The following PPFIA4 variants were observed in gnomAD, a reference collection of about 807,000 sequenced individuals.
PPFIA4 encodes liprin-alpha-4.
A neutral mutation model predicts 145.7 loss-of-function variants in PPFIA4; 98 were observed. That is an observed-to-expected ratio of 0.67 (90% CI 0.57 to 0.80). The LOEUF (loss-of-function observed/expected upper bound fraction) is 0.80, where lower values mean the gene tolerates loss of function less well. Among genes scored for constraint, PPFIA4 ranks in the 30% least tolerant of loss-of-function variants. The probability of loss-of-function intolerance (pLI) is 0.00; values close to 1 mark genes in which losing one functional copy is unlikely to be tolerated. For synonymous variants in PPFIA4, 628 were observed against 649.6 expected (o/e 0.97, Z 0.51); for missense variants, 1,457 against 1,632.7 (o/e 0.89, Z 1.85).
chr1:203,048,771 G>A lies in PPFIA4; in HGVS notation c.1356+57G>A. On this transcript the variant is annotated intron_variant, in intron 11 of 29. Coordinates refer to ENST00000295706, the MANE Select transcript of PPFIA4 (RefSeq NM_001304331.2). The surrounding 1 kb of genome is among the most constrained non-coding windows in gnomAD (Gnocchi z 5.8). ...GGTTAGTGCTGGGTGTGGGGCGGGGGGAGGCGGGACTGTGATGGGCGCAGG... is the reference window on the plus strand; with the variant it reads ...GGTTAGTGCTGGGTGTGGGGCGGGGAGAGGCGGGACTGTGATGGGCGCAGG... 3.2e-6 allele frequency: 5 copies of A among 1,575,444 alleles called. No individual in the cohort carries two copies. Among genetic ancestry groups the A allele is most frequent in the East Asian group, 2.3e-5 (1 of 43,478 alleles).
chr1:203,056,186 C>G (rs113337841), intron 17 of PPFIA4, 31 bp downstream of exon 17: 1 of 1,613,496 alleles, frequency 6.2e-7, no homozygotes, highest in South Asian at 1.1e-5. Flanking sequence ...CAGGTACTAA[C>G]GGGTTCACTG....
chr1:203,046,810 G>C (rs1381612815), intron 9 of PPFIA4, among the ~76,000 whole-genome samples: 1 of 152,152 alleles, frequency 6.6e-6, no homozygotes, highest in Admixed American at 6.5e-5. Flanking sequence ...AAAGGGGTGA[G>C]AGTTAGGTTG....
At chr1:203,059,941 T>C (rs1661244276) in intron 21 of PPFIA4, 90 bp downstream of exon 21, 2 of 1,111,778 alleles carry the variant, frequency 1.8e-6, no homozygotes, top group Non-Finnish European at 1.3e-6. Flanking sequence ...ACTTTTACAG[T>C]GTGTTTCTCC....
At chr1:203,032,536 A>T (rs1163736235) in intron 1 of PPFIA4, among the ~76,000 whole-genome samples, 2 of 149,520 alleles carry the variant, frequency 1.3e-5, no homozygotes, top group Non-Finnish European at 3.0e-5. Flanking sequence ...GGCTTAAGTG[A>T]TCCTCCCACT....
At chr1:203,041,684 T>TG (rs1398470146) in intron 2 of PPFIA4, among the ~76,000 whole-genome samples, 1 of 151,344 alleles carries the variant, frequency 6.6e-6, no homozygotes, top group Non-Finnish European at 1.5e-5. Flanking sequence ...TATCCTGTGG[T>TG]GGGGGGAGAT....
chr1:203,029,737 C>T (rs752493897), intron 1 of PPFIA4, among the ~76,000 whole-genome samples: 1 of 152,190 alleles, frequency 6.6e-6, no homozygotes, highest in Admixed American at 6.5e-5. Context: ...CCTTTGGGGG[C>T]ATTAGATTCT....
intron 14 of PPFIA4, among the ~76,000 whole-genome samples, chr1:203,052,385 C>T (rs563538516): frequency 6.6e-6 from 1 of 152,164 alleles, no homozygotes; most frequent in South Asian, 2.1e-4. Flanking sequence ...AGATATGGGG[C>T]AGAAAAATGC....
chr1:203,069,306 A>C (rs1661963067), intron 27 of PPFIA4, among the ~76,000 whole-genome samples: 1 of 152,178 alleles, frequency 6.6e-6, no homozygotes, highest in African/African-American at 2.4e-5. Context: ...CTTGTTGTGT[A>C]GAGTACTTCC....
At chr1:203,041,201 A>G (rs542013557) in intron 2 of PPFIA4, among the ~76,000 whole-genome samples, 35 of 152,368 alleles carry the variant, frequency 2.3e-4, no homozygotes, top group Admixed American at 1.2e-3. Flanking sequence ...TTAGGAAGGC[A>G]TGCTGGTGTT....
chr1:203,053,911 C>G lies in PPFIA4; in HGVS notation c.1779C>G (p.Thr593=), dbSNP rs1454104466. ...CCAGCGGCCACTCAGATGCCCAGAC[C>G]CTGGCCATGATGCTGCAGGAGCAGC... ...VSPSGHSDAQ[T]LAMMLQEQLD... The change falls in exon 15 of 30, where the codon ACC becomes ACG. Residue 593 remains threonine (T), a synonymous_variant. Transcript: ENST00000295706. The G allele has an allele frequency of 3.2e-6, 5 of 1,567,430 alleles. No homozygotes were observed. Among genetic ancestry groups the G allele is most frequent in the Non-Finnish European group, 3.5e-6 (4 of 1,155,730 alleles).
In PPFIA4 at chr1:203,069,536, C is replaced by G. The variant is rs1383891543; in HGVS notation, c.3324+908C>G. 2.0e-5 allele frequency among the ~76,000 whole-genome samples: 3 copies of G among 152,318 alleles called. No individual in the cohort carries two copies. The East Asian group carries it at 5.8e-4, about 29-fold the overall frequency. On this transcript the variant is annotated intron_variant, in intron 27 of 29. Coordinates refer to ENST00000295706, the MANE Select transcript of PPFIA4 (RefSeq NM_001304331.2). ...TTTCCTCATATAGACTCGCCTCTGT[C>G]CCCTGATTGTTTTAGCTGCCCTTGT...
rs1250785827 is a variant in PPFIA4 at position 203,068,229 on chromosome 1, G to A, written c.3149-224G>A. ...GCTTGGAGCCTGTTGGCCTGACCCC[G>A]GGTCCTGTAAACTGGCAGGGATGGA... On this transcript the variant is annotated intron_variant, in intron 26 of 29. Coordinates refer to ENST00000295706, the MANE Select transcript of PPFIA4 (RefSeq NM_001304331.2). This position sits in a 1 kb window ranked among gnomAD's most constrained non-coding sequence, Gnocchi z 4.7. 6.6e-6 allele frequency among the ~76,000 whole-genome samples: 1 copy of A among 152,150 alleles called. No homozygotes were observed. The highest frequency in any genetic ancestry group is 1.9e-4 in the East Asian group (1 of 5,200).
intron 25 of PPFIA4, among the ~76,000 whole-genome samples, chr1:203,065,599 AG>A (rs770633755): frequency 1.3e-5 from 2 of 152,240 alleles, no homozygotes; most frequent in Non-Finnish European, 2.9e-5. Flanking sequence ...TGAGTACTTC[AG>A]AGTTTCTAAA....
At chr1:203,031,641 T>A (rs1372699239) in intron 1 of PPFIA4, among the ~76,000 whole-genome samples, 1 of 152,254 alleles carries the variant, frequency 6.6e-6, no homozygotes, top group East Asian at 1.9e-4. Context: ...GATGGGTTGA[T>A]CTACGAATGC....
At chr1:203,066,213 G>T (rs1259026725) in intron 25 of PPFIA4, among the ~76,000 whole-genome samples, 1 of 152,210 alleles carries the variant, frequency 6.6e-6, no homozygotes, top group African/African-American at 2.4e-5. Flanking sequence ...CTGTGTGTGC[G>T]CATGCCCCTT....
At chr1:203,066,423 G>A (rs6670637) in intron 25 of PPFIA4, among the ~76,000 whole-genome samples, 55,759 of 152,114 alleles carry the variant, frequency 0.37, 10,380 homozygotes, top group Middle Eastern at 0.44. Flanking sequence ...TCAAAAGCAG[G>A]TAGAGTTGGG....
chr1:203,028,344 G>A (rs538493386), intron 1 of PPFIA4, among the ~76,000 whole-genome samples: 71 of 152,286 alleles, frequency 4.7e-4, no homozygotes, highest in Non-Finnish European at 4.7e-4. Flanking sequence ...GTTGATTGCT[G>A]AAATCTTAGA....
intron 1 of PPFIA4, among the ~76,000 whole-genome samples, chr1:203,037,708 T>G (rs935808871): frequency 2.6e-5 from 4 of 152,222 alleles, no homozygotes; most frequent in African/African-American, 9.6e-5. Flanking sequence ...ACATGCTGAC[T>G]GACCTCACTG....
Position 203,071,746 on chromosome 1 carries a change from C to CGG in PPFIA4, c.3380_3381dup (p.Lys1128GlyfsTer101). 1 of 1,612,482 alleles carries CGG rather than the reference C, an allele frequency of 6.2e-7. No individual in the cohort carries two copies. Among genetic ancestry groups the CGG allele is most frequent in the Non-Finnish European group, 8.5e-7 (1 of 1,179,052 alleles). ...TAACCTGTTGGCCTTGGGCACAGACCGGAAGCTGGATGACGTGAGTACCTG... is the reference window on the plus strand; with the variant it reads ...TAACCTGTTGGCCTTGGGCACAGACCGGGGAAGCTGGATGACGTGAGTACCTG... On this transcript the variant is annotated frameshift_variant, in exon 28 of 30. Coordinates refer to ENST00000295706, the MANE Select transcript of PPFIA4 (RefSeq NM_001304331.2). LOFTEE classifies it high-confidence loss of function.
Sources: gnomAD v4.1 joint callset for allele counts (sites outside exome capture counted in the v4.1 genomes callset) on GRCh38, gnomAD v4.1.1 for gene constraint, Gnocchi (gnomAD v3.1) non-coding constraint, MANE v1.5 for transcripts, NCBI Gene and HGNC (gene_info 2026-07-23, HGNC 2026-07-21) for gene names.